KIAA1217: variants seen among roughly 807,000 people sequenced by gnomAD.
KIAA1217 encodes the protein KIAA1217.
KIAA1217 carries 88 observed loss-of-function variants against 163.9 expected under a neutral mutation model. That is an observed-to-expected ratio of 0.54 (90% CI 0.45 to 0.64). The LOEUF is 0.64. KIAA1217 is among the 30% of genes least tolerant of loss of function. KIAA1217 has a pLI of 0.00. For synonymous variants in KIAA1217, 903 were observed against 923.1 expected (o/e 0.98, Z 0.39); for missense variants, 2,372 against 2,475.0 (o/e 0.96, Z 0.88).
chr10:23,915,514 AG>A (rs1842600988), intron 1 of KIAA1217, among the ~76,000 whole-genome samples: 1 of 152,196 alleles, frequency 6.6e-6, no homozygotes, highest in African/African-American at 2.4e-5. Flanking sequence ...TTTAGTTCAC[AG>A]TATTCTACCA....
intron 1 of KIAA1217, among the ~76,000 whole-genome samples, chr10:23,903,618 A>C (rs1456952927): frequency 6.6e-6 from 1 of 152,100 alleles, no homozygotes; most frequent in Non-Finnish European, 1.5e-5. Context: ...CTGTATCCTC[A>C]TTCCTTTCCT....
intron 1 of KIAA1217, among the ~76,000 whole-genome samples, chr10:23,860,839 T>C (rs985787232): frequency 6.6e-6 from 1 of 152,086 alleles, no homozygotes; most frequent in Non-Finnish European, 1.5e-5. Context: ...CTCTTTATTT[T>C]TCTTTTTTTC....
At chr10:24,344,005 AG>A (rs1379644237) in intron 2 of KIAA1217, among the ~76,000 whole-genome samples, 2 of 152,124 alleles carry the variant, frequency 1.3e-5, no homozygotes, top group Non-Finnish European at 2.9e-5. Context: ...TGGGCCATGC[AG>A]GGGGAAGATT....
chr10:24,165,966 T>A (rs2065324962), intron 2 of KIAA1217, among the ~76,000 whole-genome samples: 1 of 152,194 alleles, frequency 6.6e-6, no homozygotes, highest in Admixed American at 6.5e-5. Flanking sequence ...GACACACCCT[T>A]GGTGCTGTAG....
At chr10:23,943,841 G>C (rs1843888315) in intron 1 of KIAA1217, among the ~76,000 whole-genome samples, 1 of 152,162 alleles carries the variant, frequency 6.6e-6, no homozygotes, top group African/African-American at 2.4e-5. Flanking sequence ...AATATGGAAA[G>C]AAAGTCCTAC....
At chr10:23,700,608 C>T (rs892274201) in intron 1 of KIAA1217, among the ~76,000 whole-genome samples, 8 of 152,180 alleles carry the variant, frequency 5.3e-5, no homozygotes, top group Admixed American at 2.6e-4. Context: ...CATGCTTCCA[C>T]CACATTGCCA....
At chr10:24,439,518 A>G (rs2060318071) in intron 5 of KIAA1217, among the ~76,000 whole-genome samples, 3 of 152,286 alleles carry the variant, frequency 2.0e-5, no homozygotes, top group African/African-American at 2.4e-5. Flanking sequence ...ATTAGGACAA[A>G]TTCAGTGACT....
chr10:24,098,996 C>T (rs1053913643), intron 2 of KIAA1217, among the ~76,000 whole-genome samples: 3 of 151,824 alleles, frequency 2.0e-5, no homozygotes, highest in Non-Finnish European at 4.4e-5. Flanking sequence ...CAGACTGCAC[C>T]CACTTCAGTC....
In KIAA1217 at chr10:23,790,297, GCA is replaced by G. The variant is rs1189100718; in HGVS notation, c.-321+95066_-321+95067del. On this transcript the variant is annotated intron_variant, in intron 1 of 18. Coordinates refer to the KIAA1217 transcript ENST00000376462. Reference sequence around the variant, plus strand: ...CATATGCATATGCACATATGCATATGCACATATGCATATATACATATGCACAT... The same window carrying G: ...CATATGCATATGCACATATGCATATGCATATGCATATATACATATGCACAT... Among the ~76,000 whole-genome samples, 6 of 69,216 alleles carry G rather than the reference GCA, an allele frequency of 8.7e-5. 3 individuals carry two copies. The Admixed American group carries it at 1.0e-3, about 12-fold the overall frequency. 45.4% of individuals were successfully genotyped at this position (69,216 alleles called of 152,430 possible). A position where few individuals can be genotyped will look rare whatever the true frequency, so the allele number is the denominator to read the frequency against.
At chr10:23,980,559 G>T (rs564520201) in intron 1 of KIAA1217, among the ~76,000 whole-genome samples, 1 of 152,200 alleles carries the variant, frequency 6.6e-6, no homozygotes, top group East Asian at 1.9e-4. Flanking sequence ...TGTGGAAAGG[G>T]TATGTTGAGC....
intron 1 of KIAA1217, among the ~76,000 whole-genome samples, chr10:23,946,878 T>C (rs1170160766): frequency 6.6e-6 from 1 of 152,202 alleles, no homozygotes; most frequent in Non-Finnish European, 1.5e-5. Context: ...TCATCTTGAA[T>C]TGTAGTTCCT....
chr10:23,927,579 A>G (rs902051863), intron 1 of KIAA1217, among the ~76,000 whole-genome samples: 1 of 152,130 alleles, frequency 6.6e-6, no homozygotes, highest in African/African-American at 2.4e-5. Context: ...TGATTATGTG[A>G]GCTCATGAAA....
intron 1 of KIAA1217, among the ~76,000 whole-genome samples, chr10:23,822,825 G>T (rs936493006): frequency 1.3e-5 from 2 of 152,096 alleles, no homozygotes; most frequent in Non-Finnish European, 2.9e-5. Context: ...TATGTATCTT[G>T]AGAATGAGCC....
At chr10:24,122,149 C>T (rs1167465029) in intron 2 of KIAA1217, among the ~76,000 whole-genome samples, 1 of 151,450 alleles carries the variant, frequency 6.6e-6, no homozygotes, top group Non-Finnish European at 1.5e-5. Flanking sequence ...TTCAGCCCTT[C>T]CCCCCACCCT....
In KIAA1217 at chr10:24,472,944, C is replaced by G. The variant is rs914318; in HGVS notation, c.847-284C>G. Among the ~76,000 whole-genome samples, 120 of 152,300 alleles carry G rather than the reference C, an allele frequency of 7.9e-4. 1 individual carries two copies. The highest frequency in any genetic ancestry group is 2.8e-3 in the African/African-American group (117 of 41,556). On this transcript the variant is annotated intron_variant, in intron 5 of 20. Transcript: ENST00000376454. ...CTTCCAAACTCTTCTAACCCTACTT[C>G]CATCAGCATAGATCTCCCCTGGAGC...
chr10:23,877,859 G>A (rs967524498), intron 1 of KIAA1217, among the ~76,000 whole-genome samples: 1 of 151,956 alleles, frequency 6.6e-6, no homozygotes, highest in Non-Finnish European at 1.5e-5. Flanking sequence ...CAACGTTCGT[G>A]ACAGAGGGTT....
chr10:24,438,397 A>G lies in KIAA1217; in HGVS notation c.764A>G (p.Asp255Gly). 1.2e-6 allele frequency: 2 copies of G among 1,612,480 alleles called. No homozygotes were observed. Among genetic ancestry groups the G allele is most frequent in the Non-Finnish European group, 1.7e-6 (2 of 1,178,554 alleles). ...GTTTTTGATTCCAGGAACATTCAAG[A>G]CAGATCACTCCTCAAAGTGTACAAC... is the stretch of plus-strand genomic sequence containing the variant. ...YELNDVRNIQ[D>G]RSLLKVYNKD... is the part of the protein sequence containing the mutation. The change falls in exon 5 of 21, where the codon GAC (aspartate) becomes GGC (glycine). Residue 255 changes from aspartate to glycine, a missense_variant. Transcript: ENST00000376454.
intron 3 of KIAA1217, among the ~76,000 whole-genome samples, chr10:24,412,632 G>T (rs1351977491): frequency 6.6e-6 from 1 of 152,132 alleles, no homozygotes; most frequent in Non-Finnish European, 1.5e-5. Context: ...GCTTCCTTAT[G>T]ACCTCACTGG....
intron 2 of KIAA1217, among the ~76,000 whole-genome samples, chr10:24,316,589 C>T (rs141433929): frequency 4.6e-5 from 7 of 152,232 alleles, no homozygotes; most frequent in Non-Finnish European, 1.0e-4. Context: ...ACTAGGAACA[C>T]GAAAATGGTT....
Sources: gnomAD v4.1 joint callset for allele counts (sites outside exome capture counted in the v4.1 genomes callset) on GRCh38, gnomAD v4.1.1 for gene constraint, MANE v1.5 for transcripts, NCBI Gene and HGNC (gene_info 2026-07-23, HGNC 2026-07-21) for gene names.